Variants in EYA4 observed in about 807,000 individuals in gnomAD.
EYA4 encodes the protein EYA transcriptional coactivator and phosphatase 4.
In EYA4, 31 loss-of-function variants were observed where a neutral mutation model predicts 87.9. The ratio of observed to expected loss-of-function variants is 0.35; its 90% confidence interval spans 0.27 to 0.48. EYA4 has a LOEUF of 0.48. EYA4 is among the 20% of genes least tolerant of loss of function. The probability of loss-of-function intolerance (pLI) is 0.99; values close to 1 mark genes in which losing one functional copy is unlikely to be tolerated. For missense variants in EYA4, 678 were observed against 761.4 expected, an observed-to-expected ratio of 0.89 and a Z score of 1.29; for synonymous variants, 263 against 270.6, an observed-to-expected ratio of 0.97 and a Z score of 0.28.
chr6:133,477,619 C>T (rs1026151661), intron 11 of EYA4, among the ~76,000 whole-genome samples: 1 of 151,860 alleles, frequency 6.6e-6, no homozygotes, highest in Non-Finnish European at 1.5e-5. Context: ...CTTCTGGTAA[C>T]CTGAAGAGTC....
chr6:133,433,031 T>TA (rs1185689016), intron 3 of EYA4, among the ~76,000 whole-genome samples: 1 of 152,226 alleles, frequency 6.6e-6, no homozygotes, highest in Non-Finnish European at 1.5e-5. Context: ...TCCATATTGT[T>TA]ATCTAATAAA....
intron 1 of EYA4, among the ~76,000 whole-genome samples, chr6:133,257,917 G>T (rs1289112839): frequency 2.6e-5 from 4 of 152,072 alleles, no homozygotes; most frequent in South Asian, 4.1e-4. Flanking sequence ...ACTCATTCAT[G>T]CATTTTAAAA....
At chr6:133,378,205 A>T (rs1462047827) in intron 2 of EYA4, among the ~76,000 whole-genome samples, 1 of 152,138 alleles carries the variant, frequency 6.6e-6, no homozygotes, top group Non-Finnish European at 1.5e-5. Context: ...AGCATAGGAG[A>T]GAATGAAAGG....
chr6:133,468,485 T>A, intron 10 of EYA4, 81 bp from the exon 11 acceptor site: 1 of 1,150,252 alleles, frequency 8.7e-7, no homozygotes, highest in Non-Finnish European at 1.3e-6. Flanking sequence ...ATCTTTCAGT[T>A]ACCATAATGA....
intron 1 of EYA4, chr6:133,247,018 T>C (rs943741427): frequency 2.6e-5 from 4 of 152,120 alleles, no homozygotes; most frequent in African/African-American, 9.7e-5. Context: ...CATTTTGTTT[T>C]AATAATACTT....
intron 6 of EYA4, among the ~76,000 whole-genome samples, chr6:133,458,822 G>T (rs925832992): frequency 6.6e-6 from 1 of 152,062 alleles, no homozygotes; most frequent in Non-Finnish European, 1.5e-5. Flanking sequence ...CACCATCAGA[G>T]AAACTGACAA....
intron 3 of EYA4, among the ~76,000 whole-genome samples, chr6:133,395,759 T>C (rs997149255): frequency 2.0e-5 from 3 of 152,136 alleles, no homozygotes; most frequent in Non-Finnish European, 4.4e-5. Context: ...AGACTTCGTC[T>C]AAAAAATTAA....
chr6:133,296,184 A>G (rs1471715518), intron 2 of EYA4, among the ~76,000 whole-genome samples: 1 of 152,182 alleles, frequency 6.6e-6, no homozygotes, highest in Non-Finnish European at 1.5e-5. Context: ...ACTTGGTGGC[A>G]TGATCATGGA....
intron 2 of EYA4, among the ~76,000 whole-genome samples, chr6:133,362,311 A>G (rs527987553): frequency 6.6e-6 from 1 of 152,286 alleles, no homozygotes; most frequent in Admixed American, 6.5e-5. Context: ...AAGCTCCCAT[A>G]GGAAGCCATG....
intron 6 of EYA4, among the ~76,000 whole-genome samples, chr6:133,460,297 G>C (rs568891261): frequency 6.6e-6 from 1 of 152,142 alleles, no homozygotes; most frequent in Non-Finnish European, 1.5e-5. Flanking sequence ...AAGGGAACTG[G>C]CTCACACTTT....
At chr6:133,285,999 C>T (rs1778025283) in intron 2 of EYA4, among the ~76,000 whole-genome samples, 1 of 152,180 alleles carries the variant, frequency 6.6e-6, no homozygotes, top group Non-Finnish European at 1.5e-5. Flanking sequence ...TTTTCTGGTG[C>T]ATCTCAGTTT....
chr6:133,496,978 A>G (rs1288527871), intron 13 of EYA4, among the ~76,000 whole-genome samples: 1 of 152,032 alleles, frequency 6.6e-6, no homozygotes, highest in Non-Finnish European at 1.5e-5. Flanking sequence ...TACCATACCT[A>G]CCTGCATATC....
chr6:133,267,308 T>C (rs1275253246), intron 1 of EYA4, among the ~76,000 whole-genome samples: 3 of 152,202 alleles, frequency 2.0e-5, no homozygotes, highest in East Asian at 3.8e-4. Flanking sequence ...TTCTTAGTTG[T>C]GCATCCATGT....
At chr6:133,333,371 A>G (rs1264787799) in intron 2 of EYA4, among the ~76,000 whole-genome samples, 1 of 152,180 alleles carries the variant, frequency 6.6e-6, no homozygotes, top group Non-Finnish European at 1.5e-5. Context: ...GTTTAAAAAG[A>G]GACTAGACAA....
intron 3 of EYA4, among the ~76,000 whole-genome samples, chr6:133,432,350 A>G (rs1463093439): frequency 6.6e-6 from 1 of 152,158 alleles, no homozygotes; most frequent in Non-Finnish European, 1.5e-5. Flanking sequence ...CACATTTCTC[A>G]TCTTGCTCTT....
At chr6:133,338,149 C>T (rs144644205) in intron 2 of EYA4, among the ~76,000 whole-genome samples, 1 of 152,228 alleles carries the variant, frequency 6.6e-6, no homozygotes, top group East Asian at 1.9e-4. Flanking sequence ...TGTGGGCTTA[C>T]CATCTAGTCA....
intron 2 of EYA4, among the ~76,000 whole-genome samples, chr6:133,319,629 C>T (rs908515814): frequency 6.6e-6 from 1 of 151,374 alleles, no homozygotes. Context: ...CCCATGTTCT[C>T]GCTTAAAAAA....
intron 3 of EYA4, among the ~76,000 whole-genome samples, chr6:133,388,566 CT>C (rs1786975516): frequency 6.6e-6 from 1 of 152,010 alleles, no homozygotes; most frequent in Non-Finnish European, 1.5e-5. Context: ...TTTTTGATTT[CT>C]TTCTGCACTT....
chr6:133,298,195 A>G (rs186824225), intron 2 of EYA4, among the ~76,000 whole-genome samples: 1 of 151,990 alleles, frequency 6.6e-6, no homozygotes, highest in East Asian at 1.9e-4. Flanking sequence ...CCTGAAGCCA[A>G]CTCCTGTGCC....
Sources: gnomAD v4.1 joint callset for allele counts (sites outside exome capture counted in the v4.1 genomes callset) on GRCh38, gnomAD v4.1.1 for gene constraint, MANE v1.5 for transcripts, NCBI Gene and HGNC (gene_info 2026-07-23, HGNC 2026-07-21) for gene names.